WDR7: variants seen among roughly 807,000 people sequenced by gnomAD.
WDR7 encodes the protein WD repeat-containing protein 7.
In WDR7, 46 loss-of-function variants were observed where a neutral mutation model predicts 169.4. The observed-to-expected ratio is 0.27, with a 90% CI of 0.21 to 0.35. The LOEUF is 0.35. Among genes scored for constraint, WDR7 ranks in the 10% least tolerant of loss-of-function variants. The pLI, the probability that WDR7 is intolerant of heterozygous loss-of-function variation, is 1.00. For missense variants in WDR7, 1,534 were observed against 1,859.3 expected, an observed-to-expected ratio of 0.83 and a Z score of 3.22; for synonymous variants, 612 against 666.8, an observed-to-expected ratio of 0.92 and a Z score of 1.27.
chr18:57,004,814 C>T (rs1178207489), intron 26 of WDR7, among the ~76,000 whole-genome samples: 1 of 152,078 alleles, frequency 6.6e-6, no homozygotes, highest in Non-Finnish European at 1.5e-5. Context: ...TTTCAGTGAG[C>T]CCATTATGAC....
intron 12 of WDR7, among the ~76,000 whole-genome samples, chr18:56,708,486 T>G (rs1276631819): frequency 1.3e-5 from 2 of 152,168 alleles, no homozygotes; most frequent in African/African-American, 4.8e-5. Flanking sequence ...AACAGAAAGC[T>G]TTTGGGAGTT....
chr18:56,778,593 ATC>A (rs2044272885), intron 17 of WDR7, among the ~76,000 whole-genome samples: 1 of 152,152 alleles, frequency 6.6e-6, no homozygotes, highest in African/African-American at 2.4e-5. Context: ...GTTATTGTGT[ATC>A]TATTTTCACA....
chr18:56,667,495 G>A (rs1330432888), intron 1 of WDR7, among the ~76,000 whole-genome samples: 1 of 152,106 alleles, frequency 6.6e-6, no homozygotes, highest in Non-Finnish European at 1.5e-5. Context: ...TGGCCCAACT[G>A]AAGATCAGTG....
intron 12 of WDR7, among the ~76,000 whole-genome samples, chr18:56,716,555 A>C (rs1365104991): frequency 6.6e-6 from 1 of 152,228 alleles, no homozygotes; most frequent in Non-Finnish European, 1.5e-5. Context: ...CTAGTAAGAT[A>C]AAAATAAAGC....
rs139606371 is a variant in WDR7 at position 56,879,794 on chromosome 18, A to G, written c.3305-150A>G. ...TAGAGATAGGGGTCTGTCTAAATTC[A>G]TCCTTTTGCCTGTGAGTAACCATTT... On this transcript the variant is annotated intron_variant, in intron 20 of 27. Transcript: ENST00000254442. 2.9e-3 allele frequency: 1,822 copies of G among 632,578 alleles called. 8 individuals carry two copies. Among genetic ancestry groups the G allele is most frequent in the Non-Finnish European group, 4.2e-3 (1,521 of 364,960 alleles). 39.2% of individuals were successfully genotyped at this position (632,578 alleles called of 1,614,324 possible). A position where few individuals can be genotyped will look rare whatever the true frequency, so the allele number is the denominator to read the frequency against.
chr18:56,838,922 CTT>C (rs2045436610), intron 20 of WDR7, among the ~76,000 whole-genome samples: 1 of 152,034 alleles, frequency 6.6e-6, no homozygotes, highest in South Asian at 2.1e-4. Context: ...TAAAGCAAGA[CTT>C]TTATTACTTT....
chr18:56,862,845 C>T (rs939114135), intron 20 of WDR7, among the ~76,000 whole-genome samples: 2 of 151,736 alleles, frequency 1.3e-5, no homozygotes, highest in African/African-American at 4.8e-5. Flanking sequence ...ACCTGCCTTC[C>T]AATTGATTTC....
At chr18:56,675,378 G>GT (rs1333309069) in intron 2 of WDR7, among the ~76,000 whole-genome samples, 2 of 150,972 alleles carry the variant, frequency 1.3e-5, no homozygotes, top group African/African-American at 2.4e-5. Flanking sequence ...TAGATCTTTA[G>GT]TTTTTTTTCA....
At chr18:56,697,240 A>G (rs902358542) in intron 12 of WDR7, among the ~76,000 whole-genome samples, 1 of 152,216 alleles carries the variant, frequency 6.6e-6, no homozygotes, top group Non-Finnish European at 1.5e-5. Context: ...CTCTGGTATT[A>G]CTGAAATTGA....
Position 56,776,866 on chromosome 18 carries a change from T to C in WDR7, c.2933T>C (p.Phe978Ser). The C allele has an allele frequency of 6.2e-7, 1 of 1,613,744 alleles. No individual in the cohort carries two copies. Among genetic ancestry groups the C allele is most frequent in the Non-Finnish European group, 8.5e-7 (1 of 1,179,696 alleles). Reference protein sequence around the residue: ...PPSAPALHTCFLVNEGWSQLA... With the variant: ...PPSAPALHTCSLVNEGWSQLA... ...TCTGCTCCTGCTTTACATACCTGTT[T>C]CTTAGTAAATGAAGGTATCTCTCTC... Residue 978 changes from phenylalanine to serine, a missense_variant, in exon 17 of 28, where the codon TTC becomes TCC. Transcript: ENST00000254442.
intron 20 of WDR7, chr18:56,873,486 A>G (rs2045980735): frequency 2.0e-5 from 3 of 152,348 alleles, no homozygotes; most frequent in Middle Eastern, 6.8e-3. Context: ...AGGAACATAA[A>G]GAAGGTGGGG....
chr18:56,703,152 A>G lies in WDR7; in HGVS notation c.1578+6690A>G, dbSNP rs1207458346. ...GGAATGTGCGTCATCTAACCTGAAC[A>G]CTAGTGTTTGTGCCTTCAATTGACA... On this transcript the variant is annotated intron_variant, in intron 12 of 27. Coordinates refer to ENST00000254442, the MANE Select transcript of WDR7 (RefSeq NM_015285.3). Among the ~76,000 whole-genome samples the G allele has an allele frequency of 4.6e-5, 7 of 152,334 alleles. No individual in the cohort carries two copies. The East Asian group carries it at 5.8e-4, about 13-fold the overall frequency.
At position 56,695,143 on chromosome 18, in the gene WDR7, T is replaced by A; in HGVS notation, c.1302T>A (p.Pro434=). The change falls in exon 11 of 28, where the codon CCT becomes CCA. Residue 434 remains proline, a synonymous_variant. Coordinates refer to ENST00000254442, the MANE Select transcript of WDR7 (RefSeq NM_015285.3). ...GREDGSIVIV[P]ATQTAIVQLL... is the part of the protein sequence containing the mutation. ...AAGATGGAAGCATAGTTATTGTACC[T>A]GCCACACAGACGGCCATAGTACAGC... The A allele has an allele frequency of 6.2e-7, 1 of 1,614,150 alleles. No homozygotes were observed.
intron 20 of WDR7, among the ~76,000 whole-genome samples, chr18:56,860,535 A>G (rs1170317537): frequency 6.6e-6 from 1 of 152,172 alleles, no homozygotes; most frequent in African/African-American, 2.4e-5. Context: ...GTAACCCTAT[A>G]ATAATAAACC....
At chr18:57,017,077 T>C (rs2048216049) in intron 26 of WDR7, among the ~76,000 whole-genome samples, 1 of 152,268 alleles carries the variant, frequency 6.6e-6, no homozygotes, top group Non-Finnish European at 1.5e-5. Context: ...TTACAAGTTC[T>C]GTGCGATCCG....
chr18:57,008,254 C>G (rs1447682105), intron 26 of WDR7, among the ~76,000 whole-genome samples: 1 of 152,200 alleles, frequency 6.6e-6, no homozygotes, highest in East Asian at 1.9e-4. Flanking sequence ...CATTTCTCTG[C>G]TACATTTGCT....
At chr18:56,772,022 C>T (rs981629666) in intron 16 of WDR7, among the ~76,000 whole-genome samples, 3 of 124,586 alleles carry the variant, frequency 2.4e-5, no homozygotes, top group African/African-American at 9.1e-5. Flanking sequence ...GATCACACCA[C>T]TACACTCCAG....
chr18:56,775,763 A>G (rs1423064486), intron 16 of WDR7, among the ~76,000 whole-genome samples: 1 of 152,056 alleles, frequency 6.6e-6, no homozygotes, highest in Non-Finnish European at 1.5e-5. Context: ...ATTCGTGTGG[A>G]AATTATGAAA....
At chr18:56,895,347 C>CA (rs1004431665) in intron 21 of WDR7, among the ~76,000 whole-genome samples, 7 of 151,080 alleles carry the variant, frequency 4.6e-5, no homozygotes, top group African/African-American at 1.7e-4. Flanking sequence ...TAAAATACAA[C>CA]AAAAAAAAAT....
Sources: gnomAD v4.1 joint callset for allele counts (sites outside exome capture counted in the v4.1 genomes callset) on GRCh38, gnomAD v4.1.1 for gene constraint, MANE v1.5 for transcripts, NCBI Gene and HGNC (gene_info 2026-07-23, HGNC 2026-07-21) for gene names.